Variants in RIMS2 observed in about 807,000 individuals in gnomAD.
RIMS2 encodes regulating synaptic membrane exocytosis 2, also known as regulating synaptic membrane exocytosis protein 2.
Under a neutral mutation model 174.4 loss-of-function variants are expected in RIMS2, and 59 were observed. That is an observed-to-expected ratio of 0.34 (90% CI 0.27 to 0.42). The LOEUF is 0.42. Among genes scored for constraint, RIMS2 ranks in the 10% least tolerant of loss-of-function variants. RIMS2 has a pLI of 1.00. For synonymous variants in RIMS2, 606 were observed against 572.5 expected (o/e 1.06, Z -0.84); for missense variants, 1,620 against 1,666.3 (o/e 0.97, Z 0.48).
intron 2 of RIMS2, among the ~76,000 whole-genome samples, chr8:103,732,130 G>A (rs2097605622): frequency 6.6e-6 from 1 of 152,132 alleles, no homozygotes; most frequent in African/African-American, 2.4e-5. Flanking sequence ...TAAGTTTTTG[G>A]TCACTGTAGC....
chr8:104,062,894 T>C (rs2097029218), intron 19 of RIMS2, among the ~76,000 whole-genome samples: 1 of 152,124 alleles, frequency 6.6e-6, no homozygotes, highest in Non-Finnish European at 1.5e-5. Flanking sequence ...TTTTTCTCAA[T>C]GGTTTAAATT....
intron 2 of RIMS2, among the ~76,000 whole-genome samples, chr8:103,750,099 C>T (rs541940680): frequency 6.6e-6 from 1 of 152,006 alleles, no homozygotes; most frequent in Admixed American, 6.5e-5. Context: ...TCCCACTAGT[C>T]TGTGCTATAG....
intron 2 of RIMS2, among the ~76,000 whole-genome samples, chr8:103,731,654 A>G (rs993028316): frequency 1.3e-5 from 2 of 151,948 alleles, no homozygotes; most frequent in Non-Finnish European, 2.9e-5. Flanking sequence ...TTTGTCTCCT[A>G]TCACTGTGTT....
intron 17 of RIMS2, among the ~76,000 whole-genome samples, chr8:104,002,223 C>T (rs1406610115): frequency 6.6e-6 from 1 of 151,934 alleles, no homozygotes; most frequent in African/African-American, 2.4e-5. Flanking sequence ...TTCTACTTCA[C>T]TTGTTCTTCT....
chr8:103,624,436 A>G (rs2095725804), intron 1 of RIMS2, among the ~76,000 whole-genome samples: 1 of 152,100 alleles, frequency 6.6e-6, no homozygotes, highest in Non-Finnish European at 1.5e-5. Context: ...GAGTTACACC[A>G]CTGATTTCCT....
chr8:103,561,327 A>G (rs545664808), intron 1 of RIMS2, among the ~76,000 whole-genome samples: 2 of 152,318 alleles, frequency 1.3e-5, no homozygotes, highest in South Asian at 4.1e-4. Flanking sequence ...AAAATAAGAA[A>G]CATACCCATT....
At chr8:103,824,627 G>A (rs1470003880) in intron 3 of RIMS2, among the ~76,000 whole-genome samples, 3 of 152,138 alleles carry the variant, frequency 2.0e-5, no homozygotes, top group South Asian at 2.1e-4. Flanking sequence ...GGCAGAGAAC[G>A]CTTTCAAGGT....
In RIMS2 at chr8:103,733,000, G is replaced by A. The variant is rs113851223; in HGVS notation, c.388-33227G>A. Among the ~76,000 whole-genome samples the A allele has an allele frequency of 5.0e-3, 761 of 152,158 alleles. 7 individuals are homozygous for A. The highest frequency in any genetic ancestry group is 0.017 in the African/African-American group (722 of 41,512). On this transcript the variant is annotated intron_variant, in intron 2 of 23. Coordinates refer to ENST00000504942, the Ensembl canonical transcript of RIMS2. ...TCCCTTTTCTTTTCTCATGCAGCAG[G>A]AGTCTATTAACCACCATAGGCTGCA...
chr8:104,214,430 C>A, intron 19 of RIMS2, among the ~76,000 whole-genome samples: 1 of 152,072 alleles, frequency 6.6e-6, no homozygotes, highest in South Asian at 2.1e-4. Flanking sequence ...ATCAACAAGA[C>A]AGACAAACCC....
chr8:104,063,905 AGT>A (rs894878672), intron 19 of RIMS2, among the ~76,000 whole-genome samples: 4 of 152,110 alleles, frequency 2.6e-5, no homozygotes, highest in African/African-American at 7.2e-5. Flanking sequence ...TTGTGTCAGG[AGT>A]GTGTGTGTGT....
intron 19 of RIMS2, among the ~76,000 whole-genome samples, chr8:104,189,213 A>G (rs1389192193): frequency 2.0e-5 from 3 of 152,000 alleles, no homozygotes; most frequent in South Asian, 2.1e-4. Context: ...GAAGCCCCCA[A>G]TAAGTTTCGA....
chr8:103,781,738 CTTTTT>C (rs11308922), intron 3 of RIMS2, among the ~76,000 whole-genome samples: 1 of 88,494 alleles, frequency 1.1e-5, no homozygotes, highest in Non-Finnish European at 2.2e-5. Context: ...CTCCCCTAAT[CTTTTT>C]TTTTTTTTTT....
intron 1 of RIMS2, among the ~76,000 whole-genome samples, chr8:103,520,476 TAAG>T (rs1213654930): frequency 2.0e-5 from 3 of 152,124 alleles, no homozygotes; most frequent in East Asian, 3.8e-4. Flanking sequence ...TCTCTTGGGG[TAAG>T]AAGATGTTTT....
At chr8:104,248,633 T>G (rs913647925) in intron 20 of RIMS2, 68 bp from the exon 27 acceptor site, 1 of 883,358 alleles carries the variant, frequency 1.1e-6, no homozygotes. Context: ...GAGGCTAGAA[T>G]GAAACCAAGC....
At chr8:104,027,912 C>A (rs187242454) in intron 19 of RIMS2, among the ~76,000 whole-genome samples, 1 of 152,078 alleles carries the variant, frequency 6.6e-6, no homozygotes, top group East Asian at 1.9e-4. Flanking sequence ...TTATACAAAT[C>A]TTACTAATAA....
chr8:103,606,624 G>A (rs1261998966), intron 1 of RIMS2, among the ~76,000 whole-genome samples: 1 of 152,132 alleles, frequency 6.6e-6, no homozygotes, highest in Non-Finnish European at 1.5e-5. Flanking sequence ...CATTATTAAT[G>A]TGTGGGAGTC....
exon 19 of RIMS2, chr8:104,014,540 C>G: frequency 6.2e-7 from 1 of 1,612,608 alleles, no homozygotes. Context: ...CCAGACAAGC[C>G]CATCAAGTAC....
chr8:103,847,354 G>C (rs1039827744), intron 3 of RIMS2, among the ~76,000 whole-genome samples: 1 of 152,062 alleles, frequency 6.6e-6, no homozygotes, highest in Non-Finnish European at 1.5e-5. Context: ...GGTCCTGCAA[G>C]GTGTCCACTG....
At chr8:104,234,090 C>G (rs2099246173) in intron 19 of RIMS2, among the ~76,000 whole-genome samples, 1 of 152,068 alleles carries the variant, frequency 6.6e-6, no homozygotes, top group Non-Finnish European at 1.5e-5. Flanking sequence ...ATTATAGGAT[C>G]TGATTCTTTT....
Sources: gnomAD v4.1 joint callset for allele counts (sites outside exome capture counted in the v4.1 genomes callset) on GRCh38, gnomAD v4.1.1 for gene constraint, MANE v1.5 for transcripts, NCBI Gene and HGNC (gene_info 2026-07-23, HGNC 2026-07-21) for gene names.